FAF1: variants seen among roughly 807,000 people sequenced by gnomAD.
The protein encoded by FAF1 is Fas associated factor 1.
Under a neutral mutation model 92.5 loss-of-function variants are expected in FAF1, and 25 were observed. The observed-to-expected ratio is 0.27, with a 90% CI of 0.20 to 0.38. The LOEUF is 0.38. FAF1 is among the 10% of genes least tolerant of loss of function. FAF1 has a pLI of 1.00. For missense variants in FAF1, 636 were observed against 793.3 expected, an observed-to-expected ratio of 0.80 and a Z score of 2.38; for synonymous variants, 234 against 273.2, an observed-to-expected ratio of 0.86 and a Z score of 1.42.
intron 2 of FAF1, among the ~76,000 whole-genome samples, chr1:50,821,705 G>A (rs1009894835): frequency 2.0e-5 from 3 of 152,104 alleles, no homozygotes; most frequent in Admixed American, 6.5e-5. Context: ...TATGAAACTT[G>A]CTAATACATC....
intron 7 of FAF1, among the ~76,000 whole-genome samples, chr1:50,656,339 C>T (rs1011699104): frequency 6.9e-6 from 1 of 145,696 alleles, no homozygotes; most frequent in Non-Finnish European, 1.5e-5. Flanking sequence ...CTCCCTACCA[C>T]CGACCAAAAA....
intron 9 of FAF1, among the ~76,000 whole-genome samples, chr1:50,589,527 G>A (rs1261667147): frequency 1.3e-5 from 2 of 151,996 alleles, no homozygotes; most frequent in African/African-American, 4.8e-5. Context: ...TTTTTAACTG[G>A]GTTGTTATAT....
chr1:50,500,283 T>C (rs937161266), intron 15 of FAF1, among the ~76,000 whole-genome samples: 2 of 152,182 alleles, frequency 1.3e-5, no homozygotes, highest in Admixed American at 6.5e-5. Context: ...GCTGAAGTAA[T>C]AGTAATTCTG....
intron 15 of FAF1, among the ~76,000 whole-genome samples, chr1:50,517,370 A>G (rs1647254560): frequency 6.6e-6 from 1 of 152,224 alleles, no homozygotes; most frequent in Non-Finnish European, 1.5e-5. Flanking sequence ...TCAGTTTCCT[A>G]AACTGTAGAA....
chr1:50,634,436 A>G (rs755032111), intron 8 of FAF1, among the ~76,000 whole-genome samples: 1 of 152,264 alleles, frequency 6.6e-6, no homozygotes, highest in Non-Finnish European at 1.5e-5. Flanking sequence ...AAGAAATCGT[A>G]TCACATATGT....
At chr1:50,795,288 A>G (rs912638100) in intron 3 of FAF1, among the ~76,000 whole-genome samples, 1 of 152,192 alleles carries the variant, frequency 6.6e-6, no homozygotes, top group African/African-American at 2.4e-5. Flanking sequence ...TCTTCTCTGA[A>G]AAAGACACTT....
chr1:50,805,558 C>T (rs1021191929), intron 2 of FAF1, among the ~76,000 whole-genome samples: 1 of 152,230 alleles, frequency 6.6e-6, no homozygotes, highest in Non-Finnish European at 1.5e-5. Context: ...TTCTATAAAT[C>T]TCATTGTAAC....
intron 2 of FAF1, among the ~76,000 whole-genome samples, chr1:50,816,369 T>C (rs896835287): frequency 4.6e-5 from 7 of 151,830 alleles, no homozygotes; most frequent in African/African-American, 1.7e-4. Context: ...TATGCCCGGC[T>C]AATTTTTTGT....
At chr1:50,872,332 C>T (rs755926383) in intron 1 of FAF1, among the ~76,000 whole-genome samples, 36 of 152,176 alleles carry the variant, frequency 2.4e-4, no homozygotes, top group East Asian at 3.9e-4. Context: ...GTGAAGACAG[C>T]AAGATAACTA....
rs757791570 is a variant in FAF1, at chr1:50,539,718, T to G, written c.1279A>C (p.Met427Leu). Residue 427 changes from methionine to leucine, a missense_variant, in exon 14 of 19, where the codon ATG becomes CTG. By Grantham distance (15) the Met-to-Leu change is conservative. Transcript: ENST00000396153. ...KDSNRARFLT[M>L]CNRHFGSVVA... ...ACACTGCCAAAGTGTCTATTGCACA[T>G]AGTGAGAAATCTAAAAGGAGACAAA... The G allele has an allele frequency of 6.2e-7, 1 of 1,610,368 alleles. No individual in the cohort carries two copies. Among genetic ancestry groups the G allele is most frequent in the Non-Finnish European group, 8.5e-7 (1 of 1,177,972 alleles).
chr1:50,643,130 T>G (rs1654426470), intron 8 of FAF1, among the ~76,000 whole-genome samples: 2 of 152,112 alleles, frequency 1.3e-5, no homozygotes, highest in Admixed American at 6.6e-5. Context: ...ACGCCTGGCC[T>G]TTTCTCTGTT....
In FAF1 at chr1:50,662,693, T is replaced by A. The variant is rs1158484012; in HGVS notation, c.658-7165A>T. 1.3e-4 allele frequency among the ~76,000 whole-genome samples: 15 copies of A among 119,644 alleles called. No individual in the cohort carries two copies. In the East Asian group the frequency reaches 3.2e-3, roughly 26 times the overall value. The allele number at this position is 119,644 out of a possible 152,430, so 78.5% of individuals were successfully genotyped here. A position where few individuals can be genotyped will look rare whatever the true frequency, so the allele number is the denominator to read the frequency against. ...AAAATGAATTTGTATCTTTTTTTTT[T>A]TTTTTTTTTTTTTTTTTTTTGAGAC... is the stretch of plus-strand genomic sequence containing the variant. On this transcript the variant is annotated intron_variant, in intron 7 of 18. Transcript: ENST00000396153.
At chr1:50,544,647 T>TC (rs1648922452) in intron 13 of FAF1, among the ~76,000 whole-genome samples, 1 of 152,182 alleles carries the variant, frequency 6.6e-6, no homozygotes, top group Non-Finnish European at 1.5e-5. Flanking sequence ...CCCACTTGCT[T>TC]CATTTGTATG....
At chr1:50,770,976 G>A (rs1196818117) in intron 4 of FAF1, among the ~76,000 whole-genome samples, 3 of 152,102 alleles carry the variant, frequency 2.0e-5, no homozygotes, top group Non-Finnish European at 4.4e-5. Context: ...TCTGATCTTC[G>A]ACAAAGTTGA....
rs773617753 is a variant in FAF1 at position 50,915,233 on chromosome 1, G to A, written c.45+44534C>T. 6.6e-5 allele frequency among the ~76,000 whole-genome samples: 10 copies of A among 152,128 alleles called. No homozygotes were observed. The East Asian group carries it at 9.7e-4, about 15-fold the overall frequency. On this transcript the variant is annotated intron_variant, in intron 1 of 18. Coordinates refer to ENST00000396153, the MANE Select transcript of FAF1 (RefSeq NM_007051.3). ...TGAAAATACAAAATCAGCTGGCCAC[G>A]GTGGTACATGCCTGTAATCCCGGCT...
At chr1:50,724,738 C>T (rs990798312) in intron 6 of FAF1, among the ~76,000 whole-genome samples, 7 of 152,244 alleles carry the variant, frequency 4.6e-5, no homozygotes, top group Admixed American at 6.5e-5. Flanking sequence ...ATACATACCA[C>T]GTTAGATTTC....
chr1:50,602,256 C>A (rs1295872204), intron 8 of FAF1, among the ~76,000 whole-genome samples: 3 of 152,114 alleles, frequency 2.0e-5, no homozygotes, highest in African/African-American at 7.2e-5. Context: ...TTTTTAAAAA[C>A]CATATCTCAA....
intron 1 of FAF1, among the ~76,000 whole-genome samples, chr1:50,879,288 C>T (rs1013155136): frequency 2.8e-4 from 37 of 131,502 alleles, no homozygotes; most frequent in African/African-American, 8.7e-4. Flanking sequence ...ATGAATGAAT[C>T]AGATTAATGT....
At chr1:50,786,633 C>T (rs1661374777) in intron 4 of FAF1, among the ~76,000 whole-genome samples, 1 of 152,050 alleles carries the variant, frequency 6.6e-6, no homozygotes, top group Admixed American at 6.6e-5. Context: ...TATTTGGGGG[C>T]ATGCAAATGG....
Sources: allele counts gnomAD v4.1 joint callset (sites outside exome capture counted in the v4.1 genomes callset), GRCh38; gene constraint gnomAD v4.1.1; transcripts MANE v1.5; gene names NCBI Gene and HGNC (gene_info 2026-07-23, HGNC 2026-07-21).